Variants in KLC1 observed in about 807,000 individuals in gnomAD.
KLC1 encodes the protein kinesin light chain 1.
In KLC1, 30 loss-of-function variants were observed where a neutral mutation model predicts 84.2. That is an observed-to-expected ratio of 0.36 (90% CI 0.27 to 0.48). The LOEUF (loss-of-function observed/expected upper bound fraction) is 0.48, where lower values mean the gene tolerates loss of function less well. KLC1 is among the 20% of genes least tolerant of loss of function. The pLI, the probability that KLC1 is intolerant of heterozygous loss-of-function variation, is 0.99. For missense variants in KLC1, 499 were observed against 805.4 expected, an observed-to-expected ratio of 0.62 and a Z score of 4.60; for synonymous variants, 289 against 293.3, an observed-to-expected ratio of 0.99 and a Z score of 0.15.
chr14:103,684,942 A>G, intron 13 of KLC1: 1 of 791,466 alleles, frequency 1.3e-6, no homozygotes, highest in Non-Finnish European at 2.2e-6. Context: ...TCCTCCCCAC[A>G]TTTTTGAGGT....
intron 5 of KLC1, among the ~76,000 whole-genome samples, chr14:103,663,947 TTGAAAGTTGATAAAATAAAA>T (rs1167997646): frequency 2.0e-5 from 3 of 152,290 alleles, no homozygotes; most frequent in Middle Eastern, 3.4e-3. Context: ...AAAATAAGTT[TTGAAAGTTGATAAAATAAAA>T]ACACACAAAT....
At chr14:103,642,619 T>G (rs1033498339) in intron 1 of KLC1, among the ~76,000 whole-genome samples, 2 of 152,072 alleles carry the variant, frequency 1.3e-5, no homozygotes, top group Non-Finnish European at 2.9e-5. Flanking sequence ...GCCTGAAGCT[T>G]CTTCTAGTGT....
intron 1 of KLC1, among the ~76,000 whole-genome samples, chr14:103,637,110 C>A (rs190671196): frequency 6.6e-6 from 1 of 151,864 alleles, no homozygotes; most frequent in African/African-American, 2.4e-5. Context: ...TTATACAAGC[C>A]GTTTGCCAGA....
chr14:103,646,755 A>G (rs35015260), intron 1 of KLC1, among the ~76,000 whole-genome samples: 87,890 of 151,862 alleles, frequency 0.58, 27,230 homozygotes, highest in Non-Finnish European at 0.71. Context: ...GAGTACAAGC[A>G]TGTGCCACCA....
intron 1 of KLC1, among the ~76,000 whole-genome samples, chr14:103,630,859 G>A (rs188513698): frequency 1.3e-5 from 2 of 152,214 alleles, no homozygotes; most frequent in Non-Finnish European, 2.9e-5. Context: ...TCATGTTGCA[G>A]TTGAGCCTGG....
rs1362902417 is a variant in KLC1 at position 103,657,791 on chromosome 14, A to C, written c.492+15A>C. 2 of 1,578,368 alleles carry C rather than the reference A, an allele frequency of 1.3e-6. No homozygotes were observed. The highest frequency in any genetic ancestry group is 3.4e-5 in the Admixed American group (2 of 58,658). ...TTTCCCCATCCGTGAGTGGCTCTGT[A>C]GCAAATGTGGTGCTAATGTTTAAAA... On this transcript the variant is annotated intron_variant, in intron 3 of 16. Coordinates refer to ENST00000334553, the MANE Select transcript of KLC1 (RefSeq NM_001394837.1).
intron 14 of KLC1, 136 bp downstream of exon 14, chr14:103,687,347 G>A (rs2081844453): frequency 1.1e-6 from 1 of 875,990 alleles, no homozygotes. Flanking sequence ...CAACCGAAGG[G>A]TTTCATAGTT....
chr14:103,662,285 T>C (rs1421496808), intron 4 of KLC1, 91 bp downstream of exon 4: 1 of 1,048,634 alleles, frequency 9.5e-7, no homozygotes, highest in Non-Finnish European at 1.5e-6. Flanking sequence ...GCAGCCTTAG[T>C]GCATGCGGCC....
rs190701591 is a variant in KLC1, at chr14:103,663,663, G to A, written c.797+736G>A. Among the ~76,000 whole-genome samples, 351 of 152,186 alleles carry A rather than the reference G, an allele frequency of 2.3e-3. 3 individuals carry two copies. Among genetic ancestry groups the A allele is most frequent in the Middle Eastern group, 0.014 (4 of 294 alleles). ...GCCCTTTGCCCCTTGTGTGCTCCCC[G>A]AACCCTTTCACCCCTGTTGAAGGAC... is the stretch of plus-strand genomic sequence containing the variant. On this transcript the variant is annotated intron_variant, in intron 5 of 16. Transcript: ENST00000334553.
At chr14:103,668,993 T>C (rs1336166195) in intron 5 of KLC1, among the ~76,000 whole-genome samples, 2 of 150,782 alleles carry the variant, frequency 1.3e-5, no homozygotes, top group East Asian at 2.0e-4. Flanking sequence ...TTAGCCAGGA[T>C]GGTCTCGATC....
chr14:103,649,504 G>A (rs2078220238), intron 1 of KLC1, among the ~76,000 whole-genome samples: 2 of 146,576 alleles, frequency 1.4e-5, no homozygotes, highest in Admixed American at 6.9e-5. Flanking sequence ...CAAGGTGGGA[G>A]GATCACTGGA....
At chr14:103,631,269 A>G (rs1012188524) in intron 1 of KLC1, among the ~76,000 whole-genome samples, 45 of 152,166 alleles carry the variant, frequency 3.0e-4, no homozygotes, top group African/African-American at 1.1e-3. Flanking sequence ...TTTAGTAGAG[A>G]TGGGGTTTCA....
chr14:103,647,745 G>A (rs2078058967), intron 1 of KLC1, among the ~76,000 whole-genome samples: 1 of 151,348 alleles, frequency 6.6e-6, no homozygotes, highest in Non-Finnish European at 1.5e-5. Context: ...GCATGGTGGT[G>A]TGTTCCTGTA....
chr14:103,686,147 T>C lies in KLC1; in HGVS notation c.1651-934T>C, dbSNP rs1156840197. 8.1e-6 allele frequency: 8 copies of C among 989,638 alleles called. No homozygotes were observed. In the African/African-American group the frequency reaches 8.7e-5, roughly 11 times the overall value. The allele number at this position is 989,638 out of a possible 1,614,324, so 61.3% of individuals were successfully genotyped here. A position where few individuals can be genotyped will look rare whatever the true frequency, so the allele number is the denominator to read the frequency against. ...TGTGTGTGAAATTTGGGCATTCTGC[T>C]TTTCTCTACTAATCTTGAAGTGCTC... On this transcript the variant is annotated intron_variant, in intron 13 of 16. Coordinates refer to ENST00000334553, the MANE Select transcript of KLC1 (RefSeq NM_001394837.1).
intron 14 of KLC1, among the ~76,000 whole-genome samples, chr14:103,691,810 C>A (rs1272831195): frequency 1.4e-5 from 2 of 147,852 alleles, no homozygotes; most frequent in Admixed American, 1.7e-4. Context: ...CTTGCTCTGT[C>A]TCCCAGGCTG....
At chr14:103,677,608 AT>A in intron 12 of KLC1, 85 bp downstream of exon 12, 1 of 800,784 alleles carries the variant, frequency 1.2e-6, no homozygotes, top group Non-Finnish European at 2.1e-6. Context: ...TGAAAGCTTG[AT>A]TTAGAAATAG....
chr14:103,666,310 G>A (rs527685701), intron 5 of KLC1, among the ~76,000 whole-genome samples: 23 of 151,908 alleles, frequency 1.5e-4, no homozygotes, highest in East Asian at 7.8e-4. Context: ...TGATCCACCC[G>A]CCTTGGCCTC....
intron 1 of KLC1, among the ~76,000 whole-genome samples, chr14:103,652,830 T>C (rs958652548): frequency 6.6e-6 from 1 of 152,158 alleles, no homozygotes; most frequent in African/African-American, 2.4e-5. Context: ...TCTTTGTTAG[T>C]GGAGTGGAGG....
At chr14:103,634,324 C>G (rs2076897882) in intron 1 of KLC1, among the ~76,000 whole-genome samples, 1 of 152,076 alleles carries the variant, frequency 6.6e-6, no homozygotes, top group Admixed American at 6.6e-5. Flanking sequence ...AGGAATGCAT[C>G]TAGAATGATC....
Sources: allele counts gnomAD v4.1 joint callset (sites outside exome capture counted in the v4.1 genomes callset), GRCh38; gene constraint gnomAD v4.1.1; transcripts MANE v1.5; gene names NCBI Gene and HGNC (gene_info 2026-07-23, HGNC 2026-07-21).